KIF2A: variants seen among roughly 807,000 people sequenced by gnomAD.
KIF2A encodes kinesin-like protein KIF2A.
In KIF2A, 22 loss-of-function variants were observed where a neutral mutation model predicts 100.2. The ratio of observed to expected loss-of-function variants is 0.22; its 90% CI spans 0.16 to 0.31. The LOEUF is 0.31. KIF2A is among the 10% of genes least tolerant of loss of function. The pLI is 1.00. For synonymous variants in KIF2A, 268 were observed against 285.9 expected (o/e 0.94, Z 0.63); for missense variants, 495 against 898.7 (o/e 0.55, Z 5.74).
intron 1 of KIF2A, among the ~76,000 whole-genome samples, chr5:62,311,138 AG>A (rs1745534909): frequency 6.6e-6 from 1 of 152,230 alleles, no homozygotes; most frequent in Admixed American, 6.5e-5. Flanking sequence ...GATCACCATA[AG>A]TGACTTATCT....
intron 1 of KIF2A, among the ~76,000 whole-genome samples, chr5:62,337,867 C>G (rs528416434): frequency 6.6e-6 from 1 of 151,134 alleles, no homozygotes; most frequent in East Asian, 1.9e-4. Flanking sequence ...CAGTATCAGT[C>G]TTAATTAATG....
At chr5:62,321,984 G>C (rs1427999774) in intron 1 of KIF2A, among the ~76,000 whole-genome samples, 1 of 152,102 alleles carries the variant, frequency 6.6e-6, no homozygotes, top group Non-Finnish European at 1.5e-5. Flanking sequence ...GCAGTGGCAT[G>C]ATCATAACTC....
chr5:62,375,023 T>G (rs749913995), intron 18 of KIF2A, among the ~76,000 whole-genome samples: 21 of 152,168 alleles, frequency 1.4e-4, no homozygotes, highest in Admixed American at 3.9e-4. Flanking sequence ...AACAGCAAAA[T>G]ACTAACATTT....
chr5:62,310,122 C>G (rs1438727404), intron 1 of KIF2A, among the ~76,000 whole-genome samples: 1 of 146,562 alleles, frequency 6.8e-6, no homozygotes, highest in East Asian at 2.0e-4. Flanking sequence ...GGTGCGATCT[C>G]CGCTCACTAC....
At chr5:62,328,220 A>G (rs1355398234) in intron 1 of KIF2A, among the ~76,000 whole-genome samples, 1 of 152,186 alleles carries the variant, frequency 6.6e-6, no homozygotes, top group Non-Finnish European at 1.5e-5. Flanking sequence ...AGGAATGTAG[A>G]TACGAAGAAT....
intron 1 of KIF2A, among the ~76,000 whole-genome samples, chr5:62,339,340 A>T (rs1580043440): frequency 6.6e-6 from 1 of 151,274 alleles, no homozygotes; most frequent in East Asian, 2.0e-4. Flanking sequence ...TGAGAAATCC[A>T]CCCCAGTGAT....
intron 20 of KIF2A, among the ~76,000 whole-genome samples, chr5:62,383,289 C>G (rs1242379691): frequency 1.8e-5 from 2 of 112,034 alleles, no homozygotes; most frequent in African/African-American, 7.1e-5. Context: ...GTCACGCAGG[C>G]TGGAGTGCAG....
At position 62,306,532 on chromosome 5, in the gene KIF2A, C is replaced by T; in HGVS notation, c.60C>T (p.Ser20=). ...GGATTTACGTGGAGATCAAGCGCAG[C>T]GATGGTGAGCCGCGCTGCCAGCCCC... ...QIGIYVEIKR[S]DGRIHQAMVT... The change falls in exon 1 of 21, where the codon AGC becomes AGT. Residue 20 remains serine, a synonymous_variant. Coordinates refer to ENST00000407818, the MANE Select transcript of KIF2A (RefSeq NM_001098511.3). 1 of 1,545,438 alleles carries T rather than the reference C, an allele frequency of 6.5e-7. No homozygotes were observed. The highest frequency in any genetic ancestry group is 8.7e-7 in the Non-Finnish European group (1 of 1,144,686).
rs367672427 is a variant in KIF2A, at chr5:62,348,033, A to G, written c.160-15A>G. 6.2e-7 allele frequency: 1 copy of G among 1,612,672 alleles called. No homozygotes were observed. Among genetic ancestry groups the G allele is most frequent in the East Asian group, 2.2e-5 (1 of 44,856 alleles). ...AATATACTCTCAAAAGACTATGTGT[A>G]TGTGTTGTGAACAGATTGACCTGGA... is the stretch of plus-strand genomic sequence containing the variant. On this transcript the variant is annotated splice_polypyrimidine_tract_variant and intron_variant, in intron 2 of 20. Transcript: ENST00000407818.
chr5:62,368,264 T>G (rs1335663716), intron 16 of KIF2A, among the ~76,000 whole-genome samples: 1 of 146,052 alleles, frequency 6.8e-6, no homozygotes. Context: ...ACTTTTCTTG[T>G]TTTTTTTTTT....
chr5:62,345,756 A>T (rs901888508), intron 1 of KIF2A, among the ~76,000 whole-genome samples: 2 of 152,162 alleles, frequency 1.3e-5, no homozygotes, highest in Admixed American at 6.6e-5. Context: ...TTTCTGTACT[A>T]TATATCTGTT....
In KIF2A at chr5:62,350,055, T is replaced by C; in HGVS notation, c.280-11T>C. ...GATAGAAAACATAATGAACATTTTT[T>C]CCTTTCATAGAATCGACGGACTGTA... is the stretch of plus-strand genomic sequence containing the variant. On this transcript the variant is annotated splice_polypyrimidine_tract_variant and intron_variant, in intron 3 of 20. Coordinates refer to ENST00000407818, the MANE Select transcript of KIF2A (RefSeq NM_001098511.3). The C allele has an allele frequency of 6.4e-7, 1 of 1,569,830 alleles. No individual in the cohort carries two copies. The highest frequency in any genetic ancestry group is 1.8e-5 in the Admixed American group (1 of 55,242).
chr5:62,335,505 A>G (rs182536564), intron 1 of KIF2A, among the ~76,000 whole-genome samples: 144 of 152,276 alleles, frequency 9.5e-4, no homozygotes, highest in Non-Finnish European at 1.9e-3. Context: ...TGGCCCTTGA[A>G]TTCTGTACAG....
chr5:62,308,965 C>G (rs1745438461), intron 1 of KIF2A, among the ~76,000 whole-genome samples: 1 of 152,114 alleles, frequency 6.6e-6, no homozygotes, highest in Non-Finnish European at 1.5e-5. Context: ...ATTTTGCTGT[C>G]TATATTCCAT....
In KIF2A at chr5:62,359,626, A is replaced by C. The variant is rs569454781; in HGVS notation, c.872+1327A>C. ...TCTTTCTACTCCTGCCTCATAAAAT[A>C]TAAGTTTGACTTTTATAATAGTTTT... is the stretch of plus-strand genomic sequence containing the variant. On this transcript the variant is annotated intron_variant, in intron 9 of 20. Coordinates refer to ENST00000407818, the MANE Select transcript of KIF2A (RefSeq NM_001098511.3). 2.0e-5 allele frequency among the ~76,000 whole-genome samples: 3 copies of C among 152,220 alleles called. No homozygotes were observed. The East Asian group carries it at 5.8e-4, about 29-fold the overall frequency.
intron 11 of KIF2A, among the ~76,000 whole-genome samples, chr5:62,362,097 T>C (rs1217386415): frequency 2.0e-5 from 3 of 151,756 alleles, no homozygotes; most frequent in Admixed American, 2.0e-4. Context: ...TATTTGTCAG[T>C]GCATTCTAGC....
intron 1 of KIF2A, among the ~76,000 whole-genome samples, chr5:62,315,026 G>A (rs1177704365): frequency 6.6e-6 from 1 of 151,974 alleles, no homozygotes; most frequent in Non-Finnish European, 1.5e-5. Context: ...GCCTCCCAAA[G>A]TGTTGGGATT....
chr5:62,381,111 C>T lies in KIF2A; in HGVS notation c.2014-7C>T, dbSNP rs374355127. 12 of 1,602,304 alleles carry T rather than the reference C, an allele frequency of 7.5e-6. No homozygotes were observed. The highest frequency in any genetic ancestry group is 1.0e-5 in the Non-Finnish European group (12 of 1,173,470). Reference sequence around the variant, plus strand: ...CTTATTGGATTATCGAATTTTTGTCCTTGTAGGAATCTATTCGGTGGTTAG... The same window carrying T: ...CTTATTGGATTATCGAATTTTTGTCTTTGTAGGAATCTATTCGGTGGTTAG... On this transcript the variant is annotated splice_region_variant and splice_polypyrimidine_tract_variant and intron_variant, in intron 19 of 20. Coordinates refer to ENST00000407818, the MANE Select transcript of KIF2A (RefSeq NM_001098511.3).
At chr5:62,306,871 C>G (rs1397225657) in intron 1 of KIF2A, 1 of 276,312 alleles carries the variant, frequency 3.6e-6, no homozygotes, top group Non-Finnish European at 6.9e-6. Flanking sequence ...GACACCAGCC[C>G]GGGAGGGAGC....
Sources: allele counts gnomAD v4.1 joint callset (sites outside exome capture counted in the v4.1 genomes callset), GRCh38; gene constraint gnomAD v4.1.1; transcripts MANE v1.5; gene names NCBI Gene and HGNC (gene_info 2026-07-23, HGNC 2026-07-21).